The following COL5A2 variants were observed in gnomAD, a reference collection of about 807,000 sequenced individuals.
COL5A2 encodes the protein collagen type V alpha 2 chain.
Under a neutral mutation model 208.2 loss-of-function variants are expected in COL5A2, and 23 were observed. The observed-to-expected ratio is 0.11, with a 90% CI of 0.08 to 0.16. The LOEUF (loss-of-function observed/expected upper bound fraction) is 0.16. Among genes scored for constraint, COL5A2 ranks in the 10% least tolerant of loss-of-function variants. COL5A2 has a pLI of 1.00. For missense variants in COL5A2, 1,590 were observed against 1,956.4 expected (o/e 0.81, Z 3.53); for synonymous variants, 625 against 628.5 (o/e 0.99, Z 0.08).
intron 1 of COL5A2, among the ~76,000 whole-genome samples, chr2:189,138,686 A>G (rs1406670023): frequency 6.6e-6 from 1 of 152,156 alleles, no homozygotes; most frequent in African/African-American, 2.4e-5. Context: ...ACGAACCTAG[A>G]ACATCTTATA....
intron 50 of COL5A2, among the ~76,000 whole-genome samples, chr2:189,041,111 C>A (rs1685551522): frequency 6.6e-6 from 1 of 152,128 alleles, no homozygotes; most frequent in Non-Finnish European, 1.5e-5. Flanking sequence ...TAGTATACAG[C>A]TTTGTATCAT....
chr2:189,122,507 C>G (rs924292072), intron 1 of COL5A2, among the ~76,000 whole-genome samples: 4 of 152,122 alleles, frequency 2.6e-5, no homozygotes, highest in Non-Finnish European at 5.9e-5. Flanking sequence ...GATACCTCTT[C>G]CACTAGGAAA....
At chr2:189,338,863 C>T in the COL5A2 span, among the ~76,000 whole-genome samples, 3 of 152,114 alleles carry the variant, frequency 2.0e-5, no homozygotes, top group East Asian at 5.8e-4. Context: ...GCTGCTGCTG[C>T]TCTACTACCA....
chr2:189,173,693 GTTCAAAGAC>G (rs1416720169), intron 1 of COL5A2, among the ~76,000 whole-genome samples: 4 of 152,122 alleles, frequency 2.6e-5, no homozygotes, highest in African/African-American at 9.7e-5. Context: ...TATAAGAAAA[GTTCAAAGAC>G]TTCATATTTA....
At chr2:189,427,011 T>C in the COL5A2 span, among the ~76,000 whole-genome samples, 3 of 152,198 alleles carry the variant, frequency 2.0e-5, no homozygotes, top group Admixed American at 6.5e-5. Flanking sequence ...GAAATTTGCA[T>C]AACTAAAAGG....
At chr2:189,360,603 T>C in the COL5A2 span, among the ~76,000 whole-genome samples, 1 of 152,176 alleles carries the variant, frequency 6.6e-6, no homozygotes, top group East Asian at 1.9e-4. Flanking sequence ...ATACTGGATG[T>C]TATTTTGTTG....
chr2:189,320,447 T>C, the COL5A2 span, among the ~76,000 whole-genome samples: 1 of 152,228 alleles, frequency 6.6e-6, no homozygotes, highest in East Asian at 1.9e-4. Flanking sequence ...CTAACTAGAA[T>C]AACCAATGCA....
Position 189,063,081 on chromosome 2 carries a change from C to T in COL5A2, c.1870-18G>A. 1.2e-6 allele frequency: 2 copies of T among 1,614,052 alleles called. No homozygotes were observed. The highest frequency in any genetic ancestry group is 2.2e-5 in the South Asian group (2 of 91,076). ...GGGTCACCCTAAAGAATAAATGAAACTTTTGTATAATTCCTTCAATTTGTC... is the reference window on the plus strand; with the variant it reads ...GGGTCACCCTAAAGAATAAATGAAATTTTTGTATAATTCCTTCAATTTGTC... On this transcript the variant is annotated intron_variant, in intron 27 of 53. Transcript: ENST00000374866.
chr2:189,370,486 C>G, the COL5A2 span, among the ~76,000 whole-genome samples: 1 of 151,966 alleles, frequency 6.6e-6, no homozygotes, highest in African/African-American at 2.4e-5. Context: ...TATATAATTT[C>G]AACAAGTCAT....
chr2:189,162,899 A>C (rs1408502286), intron 1 of COL5A2, among the ~76,000 whole-genome samples: 1 of 152,114 alleles, frequency 6.6e-6, no homozygotes, highest in Non-Finnish European at 1.5e-5. Context: ...CCAGAAGATA[A>C]AGGAGGGCAA....
Position 189,050,620 on chromosome 2 carries a change from G to T in COL5A2, c.2988C>A (p.Gly996=). Residue 996 remains glycine, a synonymous_variant, in exon 43 of 54, where the codon GGC becomes GGA. Coordinates refer to ENST00000374866, the MANE Select transcript of COL5A2 (RefSeq NM_000393.5). ...AGTTGQRGIV[G]MPGQRGERGM... ...CTCTCTCTCCACGTTGCCCAGGCAT[G>T]CCAACAATTCCTCTCTGCCCGGTCG... is the stretch of plus-strand genomic sequence containing the variant. 1 of 1,552,626 alleles carries T rather than the reference G, an allele frequency of 6.4e-7. No homozygotes were observed. Among genetic ancestry groups the T allele is most frequent in the Admixed American group, 1.9e-5 (1 of 51,336 alleles).
the COL5A2 span, among the ~76,000 whole-genome samples, chr2:189,280,699 A>C: frequency 6.6e-6 from 1 of 152,130 alleles, no homozygotes; most frequent in Non-Finnish European, 1.5e-5. Flanking sequence ...AAATACTGTG[A>C]AATATTTCTT....
At chr2:189,079,481 T>A (rs559582741) in intron 14 of COL5A2, among the ~76,000 whole-genome samples, 6 of 152,152 alleles carry the variant, frequency 3.9e-5, no homozygotes, top group Admixed American at 1.3e-4. Context: ...ATAAAAAAAA[T>A]TTTAAAGCCA....
chr2:189,399,252 ATTT>A, the COL5A2 span, among the ~76,000 whole-genome samples: 281 of 140,538 alleles, frequency 2.0e-3, no homozygotes, highest in Non-Finnish European at 2.8e-3. Flanking sequence ...TTATTTTACG[ATTT>A]TTTTTTTTTT....
intron 1 of COL5A2, among the ~76,000 whole-genome samples, chr2:189,128,101 C>T (rs758248874): frequency 1.1e-4 from 17 of 152,010 alleles, no homozygotes; most frequent in Non-Finnish European, 1.9e-4. Flanking sequence ...TGCCACAGTA[C>T]CTGATGTAGC....
the COL5A2 span, among the ~76,000 whole-genome samples, chr2:189,400,969 A>G: frequency 6.6e-6 from 1 of 152,218 alleles, no homozygotes; most frequent in African/African-American, 2.4e-5. Flanking sequence ...TGTTTTTCCT[A>G]TGATGCTTTA....
the COL5A2 span, among the ~76,000 whole-genome samples, chr2:189,390,539 T>C: frequency 2.0e-5 from 3 of 152,244 alleles, no homozygotes; most frequent in African/African-American, 7.2e-5. Context: ...ACAAGGCTTA[T>C]TAGGGTTGAG....
At chr2:189,253,447 C>T in the COL5A2 span, among the ~76,000 whole-genome samples, 8 of 152,176 alleles carry the variant, frequency 5.3e-5, no homozygotes, top group East Asian at 3.9e-4. Context: ...GGCAACAAGC[C>T]GGCTAAGGAA....
chr2:189,364,442 T>G, the COL5A2 span, among the ~76,000 whole-genome samples: 1 of 152,162 alleles, frequency 6.6e-6, no homozygotes, highest in Non-Finnish European at 1.5e-5. Context: ...ATCCCAGCAC[T>G]TTGGGAGACC....
Sources: gnomAD v4.1 joint callset for allele counts (sites outside exome capture counted in the v4.1 genomes callset) on GRCh38, gnomAD v4.1.1 for gene constraint, MANE v1.5 for transcripts, NCBI Gene and HGNC (gene_info 2026-07-23, HGNC 2026-07-21) for gene names.